Variants in ADGRL3 observed in about 807,000 individuals in gnomAD.
The protein encoded by ADGRL3 is adhesion G protein-coupled receptor L3.
ADGRL3 carries 62 observed loss-of-function variants against 153.5 expected under a neutral mutation model. That is an observed-to-expected ratio of 0.40 (90% CI 0.33 to 0.50). ADGRL3 has a LOEUF of 0.50. ADGRL3 is among the 20% of genes least tolerant of loss of function. The pLI is 0.47. For missense variants in ADGRL3, 1,641 were observed against 1,859.4 expected, an observed-to-expected ratio of 0.88 and a Z score of 2.16; for synonymous variants, 710 against 672.5, an observed-to-expected ratio of 1.06 and a Z score of -0.86.
At chr4:61,353,905 A>G (rs2096108728) in intron 1 of ADGRL3, among the ~76,000 whole-genome samples, 1 of 152,108 alleles carries the variant, frequency 6.6e-6, no homozygotes, top group Admixed American at 6.6e-5. Context: ...AAAATTTACC[A>G]TACCATTTCC....
At chr4:61,574,348 C>T (rs1309404466) in intron 4 of ADGRL3, among the ~76,000 whole-genome samples, 1 of 151,814 alleles carries the variant, frequency 6.6e-6, no homozygotes, top group Non-Finnish European at 1.5e-5. Flanking sequence ...AACTATCATT[C>T]ATAAAAATTT....
intron 6 of ADGRL3, among the ~76,000 whole-genome samples, chr4:61,691,717 C>T (rs1438975037): frequency 6.6e-6 from 1 of 152,066 alleles, no homozygotes; most frequent in Non-Finnish European, 1.5e-5. Flanking sequence ...ATTCTGAATA[C>T]CAAGGTATAA....
rs1246501497 is a variant in ADGRL3 at position 61,935,903 on chromosome 4, T to C, written c.2297-20T>C. On this transcript the variant is annotated intron_variant, in intron 14 of 26. Transcript: ENST00000683033. ...AGGTATGTTTCTCAATGAGCACTGATATCTCTTTGATATTAACAGAATTGG... is the reference window on the plus strand; with the variant it reads ...AGGTATGTTTCTCAATGAGCACTGACATCTCTTTGATATTAACAGAATTGG... The C allele has an allele frequency of 1.3e-6, 2 of 1,579,138 alleles. No homozygotes were observed. Among genetic ancestry groups the C allele is most frequent in the South Asian group, 2.3e-5 (2 of 86,126 alleles).
Position 61,720,300 on chromosome 4 carries a change from G to C in ADGRL3, c.584-10322G>C, listed in dbSNP as rs146172738. 9.1e-3 allele frequency among the ~76,000 whole-genome samples: 1,373 copies of C among 150,902 alleles called. 30 individuals are homozygous for C. The highest frequency in any genetic ancestry group is 0.032 in the African/African-American group (1,302 of 41,022). On this transcript the variant is annotated intron_variant, in intron 6 of 26. Coordinates refer to ENST00000683033, the MANE Select transcript of ADGRL3 (RefSeq NM_001387552.1). ...AGATGGGGTTTCACCATATTGGCCA[G>C]GCTGGTGTCCAACTCCCGACCTCGT...
At chr4:62,059,261 T>C (rs1738774121) in intron 25 of ADGRL3, among the ~76,000 whole-genome samples, 2 of 152,162 alleles carry the variant, frequency 1.3e-5, no homozygotes. Flanking sequence ...CTCAGACATA[T>C]CCCTTACTCT....
intron 8 of ADGRL3, among the ~76,000 whole-genome samples, chr4:61,765,336 T>C (rs1271932992): frequency 1.3e-5 from 2 of 152,126 alleles, no homozygotes; most frequent in East Asian, 3.9e-4. Context: ...AAGGAGCGTC[T>C]ATACAGGAGC....
chr4:61,373,306 T>A (rs1303585740), intron 1 of ADGRL3, among the ~76,000 whole-genome samples: 1 of 152,220 alleles, frequency 6.6e-6, no homozygotes, highest in East Asian at 1.9e-4. Context: ...TTTTTTATTG[T>A]AATAACCACA....
At chr4:61,291,107 T>G (rs1386991111) in intron 1 of ADGRL3, among the ~76,000 whole-genome samples, 1 of 151,602 alleles carries the variant, frequency 6.6e-6, no homozygotes, top group Non-Finnish European at 1.5e-5. Flanking sequence ...CGATGTTTAT[T>G]TTCAGTTTTA....
chr4:61,326,146 T>A (rs2095459078), intron 1 of ADGRL3, among the ~76,000 whole-genome samples: 2 of 152,178 alleles, frequency 1.3e-5, no homozygotes, highest in Non-Finnish European at 2.9e-5. Flanking sequence ...TCAGTGCATA[T>A]ATGTATGCTG....
intron 1 of ADGRL3, among the ~76,000 whole-genome samples, chr4:61,361,593 C>G (rs2096282856): frequency 6.6e-6 from 1 of 152,132 alleles, no homozygotes; most frequent in African/African-American, 2.4e-5. Context: ...TATCCACTTT[C>G]ACGATATTGT....
intron 5 of ADGRL3, among the ~76,000 whole-genome samples, chr4:61,673,885 A>G (rs575672956): frequency 1.3e-5 from 2 of 151,144 alleles, no homozygotes; most frequent in African/African-American, 2.4e-5. Flanking sequence ...GCTGTTTTAT[A>G]TAGAACAATG....
intron 2 of ADGRL3, among the ~76,000 whole-genome samples, chr4:61,462,280 A>G (rs959006036): frequency 6.6e-6 from 1 of 152,194 alleles, no homozygotes; most frequent in Admixed American, 6.6e-5. Flanking sequence ...TGAAATCTAC[A>G]TTAAGATCAA....
intron 4 of ADGRL3, among the ~76,000 whole-genome samples, chr4:61,570,126 T>C (rs2098832515): frequency 6.6e-6 from 1 of 152,178 alleles, no homozygotes; most frequent in African/African-American, 2.4e-5. Context: ...ATCATTTACA[T>C]AACTGATTTA....
At chr4:62,003,685 T>C (rs1257587966) in intron 21 of ADGRL3, among the ~76,000 whole-genome samples, 1 of 152,180 alleles carries the variant, frequency 6.6e-6, no homozygotes, top group African/African-American at 2.4e-5. Flanking sequence ...TTTTTAATGG[T>C]GAAGCTTTGC....
At chr4:61,935,088 A>T (rs2098832601) in intron 14 of ADGRL3, 65 bp downstream of exon 14, 1 of 1,399,860 alleles carries the variant, frequency 7.1e-7, no homozygotes, top group African/African-American at 1.4e-5. Flanking sequence ...GAAAAGAAAA[A>T]AGTATCTCTG....
intron 15 of ADGRL3, among the ~76,000 whole-genome samples, chr4:61,941,200 A>G (rs1372028471): frequency 5.4e-5 from 6 of 111,994 alleles, no homozygotes; most frequent in African/African-American, 2.1e-4. Context: ...TCCTTTCCCC[A>G]TTGCTTGTTT....
At chr4:61,520,700 G>GTCTA (rs2098525611) in intron 4 of ADGRL3, among the ~76,000 whole-genome samples, 2 of 147,744 alleles carry the variant, frequency 1.4e-5, no homozygotes, top group African/African-American at 2.5e-5. Flanking sequence ...CTGTCTGTCT[G>GTCTA]TCTGAGGGGG....
chr4:61,978,600 A>T (rs2099056248), intron 17 of ADGRL3, among the ~76,000 whole-genome samples: 1 of 152,196 alleles, frequency 6.6e-6, no homozygotes, highest in African/African-American at 2.4e-5. Context: ...TAAATTCTAA[A>T]GATTCACAGA....
intron 4 of ADGRL3, among the ~76,000 whole-genome samples, chr4:61,585,127 A>G (rs1471457849): frequency 6.6e-6 from 1 of 151,830 alleles, no homozygotes; most frequent in Non-Finnish European, 1.5e-5. Context: ...AGATTCTTCT[A>G]TGGGTGTGTG....
Sources: gnomAD v4.1 joint callset for allele counts (sites outside exome capture counted in the v4.1 genomes callset) on GRCh38, gnomAD v4.1.1 for gene constraint, MANE v1.5 for transcripts, NCBI Gene and HGNC (gene_info 2026-07-23, HGNC 2026-07-21) for gene names.